Variants in WNT9B observed in about 807,000 individuals in gnomAD.
WNT9B encodes the protein protein Wnt-9b.
In WNT9B, 12 loss-of-function variants were observed where a neutral mutation model predicts 30.2. That is an observed-to-expected ratio of 0.40 (90% CI 0.26 to 0.64). WNT9B has a LOEUF of 0.64. Among genes scored for constraint, WNT9B ranks in the 30% least tolerant of loss-of-function variants. WNT9B has a pLI of 0.42. For missense variants in WNT9B, 442 were observed against 485.2 expected (o/e 0.91, Z 0.84); for synonymous variants, 218 against 216.9 (o/e 1.01, Z -0.05).
upstream of WNT9B, among the ~76,000 whole-genome samples, chr17:46,850,687 G>C (rs12602434): frequency 0.2 from 29,860 of 152,148 alleles, 3,601 homozygotes; most frequent in East Asian, 0.49. Context: ...CAGGTACCAC[G>C]CGCCGCTTTG....
chr17:46,871,891 A>G (rs1230992900), intron 1 of WNT9B, among the ~76,000 whole-genome samples: 1 of 152,046 alleles, frequency 6.6e-6, no homozygotes, highest in Admixed American at 6.6e-5. Flanking sequence ...TGTACCAGGC[A>G]CCAGGTGGTC....
At chr17:46,870,567 C>T (rs577359378) in intron 1 of WNT9B, among the ~76,000 whole-genome samples, 5 of 152,320 alleles carry the variant, frequency 3.3e-5, no homozygotes, top group East Asian at 1.9e-4. Context: ...TCGGAGGTTT[C>T]GGAGATATGC....
At chr17:46,842,146 C>T (rs1440900250) in intron 1 of WNT9B, among the ~76,000 whole-genome samples, 7 of 152,234 alleles carry the variant, frequency 4.6e-5, no homozygotes, top group African/African-American at 1.7e-4. Flanking sequence ...GGATTAAAGG[C>T]TTGGGAAGTT....
intron 1 of WNT9B, among the ~76,000 whole-genome samples, chr17:46,858,778 T>G (rs1388746410): frequency 2.0e-5 from 3 of 152,138 alleles, no homozygotes. Context: ...GTGATCCTCC[T>G]GCCTTAGCCT....
chr17:46,876,995 G>A lies in WNT9B; in HGVS notation c.*277G>A. 7.9e-7 allele frequency: 1 copy of A among 1,259,648 alleles called. No individual in the cohort carries two copies. Among genetic ancestry groups the A allele is most frequent in the Non-Finnish European group, 1.0e-6 (1 of 1,003,944 alleles). The allele number at this position is 1,259,648 out of a possible 1,614,324, so 78.0% of individuals were successfully genotyped here. On this transcript the variant is annotated 3_prime_UTR_variant, in exon 4 of 4. Coordinates refer to ENST00000290015, the MANE Select transcript of WNT9B (RefSeq NM_003396.3). ...GGGCAGAGTGAGAAAGACATGGAGG[G>A]AAATAAGGGAGACCAAGAGCACAGC...
intron 1 of WNT9B, among the ~76,000 whole-genome samples, chr17:46,833,896 T>C (rs961517233): frequency 6.6e-6 from 1 of 152,184 alleles, no homozygotes; most frequent in African/African-American, 2.4e-5. Flanking sequence ...GTCCCCATTC[T>C]GGACCATGTC....
At chr17:46,868,005 G>A (rs925140383) in intron 1 of WNT9B, among the ~76,000 whole-genome samples, 5 of 152,098 alleles carry the variant, frequency 3.3e-5, no homozygotes, top group South Asian at 4.2e-4. Flanking sequence ...GGCGGCCGCT[G>A]TTCACCTGGG....
intron 1 of WNT9B, among the ~76,000 whole-genome samples, chr17:46,840,655 C>T (rs2084702266): frequency 6.6e-6 from 1 of 152,200 alleles, no homozygotes; most frequent in South Asian, 2.1e-4. Flanking sequence ...ACATCCTTTC[C>T]TGCATCTGTT....
chr17:46,872,406 C>T (rs981913523), intron 1 of WNT9B, 111 bp from the exon 2 acceptor site: 23 of 1,365,006 alleles, frequency 1.7e-5, no homozygotes, highest in South Asian at 9.0e-5. Context: ...GCGGGTCAGC[C>T]TGCTGCCCAG....
At chr17:46,848,387 G>A (rs922657628), upstream of WNT9B, among the ~76,000 whole-genome samples, 4 of 152,222 alleles carry the variant, frequency 2.6e-5, no homozygotes, top group Non-Finnish European at 5.9e-5. Flanking sequence ...CCTACTATGT[G>A]CTGGGACCTG....
At position 46,851,622 on chromosome 17, in the gene WNT9B, GC is replaced by G; in HGVS notation, c.-16del. On this transcript the variant is annotated 5_prime_UTR_variant, in exon 1 of 4. Coordinates refer to ENST00000290015, the MANE Select transcript of WNT9B (RefSeq NM_003396.3). This position sits in a 1 kb window ranked among gnomAD's most constrained non-coding sequence, Gnocchi z 4.3. ...GCGGCGCGAGGAGATGCTAGAGGGCGCAGCGCCGCCAGCACCATGCGCCCCC... is the reference window on the plus strand; with the variant it reads ...GCGGCGCGAGGAGATGCTAGAGGGCGAGCGCCGCCAGCACCATGCGCCCCC... 8.0e-7 allele frequency: 1 copy of G among 1,249,246 alleles called. No homozygotes were observed. Among genetic ancestry groups the G allele is most frequent in the South Asian group, 2.9e-5 (1 of 34,290 alleles). The allele number at this position is 1,249,246 out of a possible 1,614,324, so 77.4% of individuals were successfully genotyped here.
In WNT9B at chr17:46,840,985, A is replaced by G. The variant is rs1369957437; in HGVS notation, c.95+7545A>G. The stretch of plus-strand genomic sequence containing the variant: ...AGCAGCCGGTTCTGTTTCCAACTGC[A>G]TTCTCCTTTCCTGTGCCCCTGTGTC... On this transcript the variant is annotated intron_variant, in intron 1 of 2. Coordinates refer to the WNT9B transcript ENST00000575372. Among the ~76,000 whole-genome samples, 6 of 152,294 alleles carry G rather than the reference A, an allele frequency of 3.9e-5. No homozygotes were observed. In the East Asian group the frequency reaches 5.8e-4, roughly 15 times the overall value.
At chr17:46,850,970 A>G (rs921983074), upstream of WNT9B, among the ~76,000 whole-genome samples, 13 of 152,164 alleles carry the variant, frequency 8.5e-5, no homozygotes, top group African/African-American at 2.9e-4. Flanking sequence ...TCTCCCGTTT[A>G]AAAACAGAGC....
chr17:46,853,481 C>T (rs1321674743), intron 1 of WNT9B, among the ~76,000 whole-genome samples: 1 of 148,280 alleles, frequency 6.7e-6, no homozygotes, highest in African/African-American at 2.5e-5. Context: ...AAGCGATTCT[C>T]CTGCCTCAGC....
At chr17:46,849,333 G>C (rs185714742), upstream of WNT9B, among the ~76,000 whole-genome samples, 94 of 152,298 alleles carry the variant, frequency 6.2e-4, no homozygotes, top group African/African-American at 2.2e-3. Flanking sequence ...GTCACTTTGG[G>C]AGAATGTGCC....
rs867233618 is a variant in WNT9B, at chr17:46,866,200, C to G, written c.78-6317C>G. Among the ~76,000 whole-genome samples, 7 of 152,096 alleles carry G rather than the reference C, an allele frequency of 4.6e-5. No homozygotes were observed. The South Asian group carries it at 1.5e-3, about 32-fold the overall frequency. On this transcript the variant is annotated intron_variant, in intron 1 of 3. Coordinates refer to ENST00000290015, the MANE Select transcript of WNT9B (RefSeq NM_003396.3). ...TGTAACAGCAGGAGGGGAGAGAAGC[C>G]TGGAGTTGGTGTTGAGCAGCCACCC...
intron 1 of WNT9B, among the ~76,000 whole-genome samples, chr17:46,838,529 A>G (rs1369202718): frequency 2.6e-5 from 4 of 152,082 alleles, no homozygotes; most frequent in Non-Finnish European, 5.9e-5. Context: ...CAGGAGGCTA[A>G]GGCAGGAGGA....
chr17:46,858,974 T>A lies in WNT9B; in HGVS notation c.77+7259T>A, dbSNP rs542162811. 1.0e-4 allele frequency among the ~76,000 whole-genome samples: 15 copies of A among 148,800 alleles called. No individual in the cohort carries two copies. The Admixed American group carries it at 1.0e-3, about 10-fold the overall frequency. On this transcript the variant is annotated intron_variant, in intron 1 of 3. Transcript: ENST00000290015. ...GAGCCACAGCTAGAAACTTATAATTTTAGCTTTTTTTTTTTTTTTTTGACA... is the reference window on the plus strand; with the variant it reads ...GAGCCACAGCTAGAAACTTATAATTATAGCTTTTTTTTTTTTTTTTTGACA...
At chr17:46,882,230 CGTT>C (rs1474071836), downstream of WNT9B, among the ~76,000 whole-genome samples, 1 of 152,140 alleles carries the variant, frequency 6.6e-6, no homozygotes, top group Non-Finnish European at 1.5e-5. Flanking sequence ...AGGCATTGCA[CGTT>C]GTTTTCATGT....
Sources: gnomAD v4.1 joint callset for allele counts (sites outside exome capture counted in the v4.1 genomes callset) on GRCh38, gnomAD v4.1.1 for gene constraint, Gnocchi (gnomAD v3.1) non-coding constraint, MANE v1.5 for transcripts, NCBI Gene and HGNC (gene_info 2026-07-23, HGNC 2026-07-21) for gene names.